Variants in BRPF3 observed in about 807,000 individuals in gnomAD.
BRPF3 encodes bromodomain and PHD finger containing 3.
BRPF3 carries 18 observed loss-of-function variants against 102.0 expected under a neutral mutation model. That is an observed-to-expected ratio of 0.18 (90% confidence interval 0.12 to 0.26). The LOEUF is 0.26. Ranked by LOEUF, BRPF3 falls within the 10% of genes least tolerant of loss-of-function variation. BRPF3 has a pLI of 1.00. For missense variants in BRPF3, 1,147 were observed against 1,567.8 expected (o/e 0.73, Z 4.53); for synonymous variants, 570 against 614.2 (o/e 0.93, Z 1.06).
At position 36,200,375 on chromosome 6, in the gene BRPF3, C is replaced by T. The variant is rs761948959; in HGVS notation, c.53C>T (p.Pro18Leu). ...CAGAATGCCGAGGGCCGGCGTTCCCCGTCCCCCTACAGTCTCAAGTGCTCA... is the reference window on the plus strand; with the variant it reads ...CAGAATGCCGAGGGCCGGCGTTCCCTGTCCCCCTACAGTCTCAAGTGCTCA... ...SRQNAEGRRSPSPYSLKCSPT... is the reference protein window; with the variant it reads ...SRQNAEGRRSLSPYSLKCSPT... The change falls in exon 2 of 13, where the codon CCG becomes CTG. Residue 18 changes from proline to leucine, a missense_variant. Around this residue, in one of 11 missense-constraint regions of BRPF3, gnomAD observed 38 missense variants for 34.3 expected, o/e 1.11. Transcript: ENST00000357641. This position sits in a 1 kb window ranked among gnomAD's most constrained non-coding sequence, Gnocchi z 5.3. The T allele has an allele frequency of 7.4e-6, 12 of 1,614,066 alleles. No individual in the cohort carries two copies. The highest frequency in any genetic ancestry group is 3.3e-5 in the South Asian group (3 of 91,088).
At chr6:36,219,386 T>G (rs1236978330) in intron 9 of BRPF3, among the ~76,000 whole-genome samples, 5 of 152,228 alleles carry the variant, frequency 3.3e-5, no homozygotes, top group Non-Finnish European at 7.3e-5. Context: ...GCTTCTAGCC[T>G]GGCCCTGGGT....
intron 8 of BRPF3, among the ~76,000 whole-genome samples, chr6:36,216,938 G>A (rs915542812): frequency 6.6e-6 from 1 of 152,186 alleles, no homozygotes; most frequent in Admixed American, 6.5e-5. Flanking sequence ...TACTCAGGAG[G>A]TTGAGGCAGG....
chr6:36,223,439 A>T (rs953089383), intron 10 of BRPF3, among the ~76,000 whole-genome samples: 7 of 152,152 alleles, frequency 4.6e-5, no homozygotes, highest in African/African-American at 1.7e-4. Flanking sequence ...TCTTATTCTT[A>T]CTTTTAAAAC....
intron 10 of BRPF3, among the ~76,000 whole-genome samples, chr6:36,223,281 G>A (rs1046415910): frequency 2.0e-5 from 3 of 152,190 alleles, no homozygotes; most frequent in Non-Finnish European, 4.4e-5. Flanking sequence ...TTTCTCGTAT[G>A]TGTGTTGATG....
rs1240266200 is a variant in BRPF3 at position 36,232,070 on chromosome 6, A to G, written c.*1461A>G. ...ACACACTTGACTTTTTAAAAATACA[A>G]CCAACCAACCACCACAACTTCTTAT... On this transcript the variant is annotated 3_prime_UTR_variant, in exon 13 of 13. Coordinates refer to ENST00000357641, the MANE Select transcript of BRPF3 (RefSeq NM_015695.3). 1 of 152,686 alleles carries G rather than the reference A, an allele frequency of 6.5e-6. No individual in the cohort carries two copies. The highest frequency in any genetic ancestry group is 2.4e-5 in the African/African-American group (1 of 41,474). 9.5% of individuals were successfully genotyped at this position (152,686 alleles called of 1,614,324 possible).
intron 9 of BRPF3, among the ~76,000 whole-genome samples, chr6:36,219,696 G>A (rs905975456): frequency 6.6e-6 from 1 of 152,132 alleles, no homozygotes; most frequent in African/African-American, 2.4e-5. Flanking sequence ...ATATTTCAGG[G>A]TTTAAAATAG....
intron 7 of BRPF3, among the ~76,000 whole-genome samples, chr6:36,213,286 C>G (rs1455529170): frequency 6.6e-6 from 1 of 152,184 alleles, no homozygotes; most frequent in Non-Finnish European, 1.5e-5. Context: ...CCTATCTTTA[C>G]AAATTTGGTT....
In BRPF3 at chr6:36,196,749, G is replaced by GGCAGCGGCA. The variant is rs1485691177; in HGVS notation, c.-239_-231dup. The GGCAGCGGCA allele has an allele frequency of 4.6e-5, 7 of 153,156 alleles. No homozygotes were observed. Among genetic ancestry groups the GGCAGCGGCA allele is most frequent in the African/African-American group, 9.7e-5 (4 of 41,300 alleles). 9.5% of individuals were successfully genotyped at this position (153,156 alleles called of 1,614,324 possible). A position where few individuals can be genotyped will look rare whatever the true frequency, so the allele number is the denominator to read the frequency against. On this transcript the variant is annotated 5_prime_UTR_variant, in exon 1 of 13. Transcript: ENST00000357641. ...CCTCCCCTCGGCCGGGCTCCGTGGC[G>GGCAGCGGCA]GCAGCGGCAGCAGCGGCGGCTCCAT...
At chr6:36,222,055 G>A (rs1232824465) in intron 9 of BRPF3, 113 bp from the exon 10 acceptor site, 3 of 1,022,618 alleles carry the variant, frequency 2.9e-6, no homozygotes, top group Non-Finnish European at 4.4e-6. Flanking sequence ...TGTCCTCCCT[G>A]AAGAGTTTTT....
intron 4 of BRPF3, among the ~76,000 whole-genome samples, chr6:36,208,493 A>G (rs1767983984): frequency 6.6e-6 from 1 of 152,136 alleles, no homozygotes; most frequent in Non-Finnish European, 1.5e-5. Flanking sequence ...AAAAAAAAAG[A>G]TGTTTCTTTC....
Position 36,231,845 on chromosome 6 carries a change from A to G in BRPF3, c.*1236A>G, listed in dbSNP as rs1768950042. The stretch of plus-strand genomic sequence containing the variant: ...CTGTGAATGGGGAATGCTGACTGAC[A>G]AACCAACACAACTTTCAGAGGCTTC... On this transcript the variant is annotated 3_prime_UTR_variant, in exon 13 of 13. Coordinates refer to ENST00000357641, the MANE Select transcript of BRPF3 (RefSeq NM_015695.3). 1 of 152,666 alleles carries G rather than the reference A, an allele frequency of 6.6e-6. No homozygotes were observed. Among genetic ancestry groups the G allele is most frequent in the Non-Finnish European group, 1.5e-5 (1 of 68,054 alleles). 9.5% of individuals were successfully genotyped at this position (152,666 alleles called of 1,614,324 possible). A position where few individuals can be genotyped will look rare whatever the true frequency, so the allele number is the denominator to read the frequency against.
In BRPF3 at chr6:36,201,769, A is replaced by AG; in HGVS notation, c.1448+1dup. 6.3e-7 allele frequency: 1 copy of AG among 1,594,786 alleles called. No individual in the cohort carries two copies. The highest frequency in any genetic ancestry group is 8.5e-7 in the Non-Finnish European group (1 of 1,170,042). On this transcript the variant is annotated frameshift_variant and splice_region_variant, in exon 2 of 13. Transcript: ENST00000357641. LOFTEE classifies it high-confidence loss of function. The surrounding 1 kb of genome is among the most constrained non-coding windows in gnomAD (Gnocchi z 5.1). Reference sequence around the variant, plus strand: ...TGCTGTCCCACAGATACCCTCTTACAGGTAAGCATGCCCAGAAGGGCTCCT... The same window carrying AG: ...TGCTGTCCCACAGATACCCTCTTACAGGGTAAGCATGCCCAGAAGGGCTCCT...
At chr6:36,218,338 C>A (rs1768406258) in intron 9 of BRPF3, among the ~76,000 whole-genome samples, 1 of 152,178 alleles carries the variant, frequency 6.6e-6, no homozygotes, top group African/African-American at 2.4e-5. Context: ...TGCCCCTACA[C>A]ACATTTAGAC....
Position 36,230,327 on chromosome 6 carries a change from C to G in BRPF3, c.3435-99C>G. The G allele has an allele frequency of 7.9e-7, 1 of 1,259,886 alleles. No homozygotes were observed. Among genetic ancestry groups the G allele is most frequent in the Non-Finnish European group, 1.1e-6 (1 of 884,426 alleles). The allele number at this position is 1,259,886 out of a possible 1,614,324, so 78.0% of individuals were successfully genotyped here. A position where few individuals can be genotyped will look rare whatever the true frequency, so the allele number is the denominator to read the frequency against. ...TTTGCTTCCCTCTGCCCTGTACCCT[C>G]TCCCTGGCTTTGCTGGTCCTGGCCA... On this transcript the variant is annotated intron_variant, in intron 12 of 12. Transcript: ENST00000357641. This position sits in a 1 kb window ranked among gnomAD's most constrained non-coding sequence, Gnocchi z 5.4.
At chr6:36,219,177 C>T (rs552547083) in intron 9 of BRPF3, among the ~76,000 whole-genome samples, 9 of 152,190 alleles carry the variant, frequency 5.9e-5, no homozygotes, top group Non-Finnish European at 1.2e-4. Flanking sequence ...TGTAGGACTA[C>T]TGGTAGGGCT....
chr6:36,218,075 C>A (rs1768396149), intron 9 of BRPF3, 65 bp downstream of exon 9: 1 of 1,408,740 alleles, frequency 7.1e-7, no homozygotes, highest in Non-Finnish European at 9.9e-7. Flanking sequence ...CTCCATTCAG[C>A]TACAGATTGA....
At chr6:36,221,663 A>G (rs79993573) in intron 9 of BRPF3, among the ~76,000 whole-genome samples, 2,640 of 151,606 alleles carry the variant, frequency 0.017, 81 homozygotes, top group African/African-American at 0.058. Context: ...TGAGAAGTGC[A>G]TTTTTTTTTC....
chr6:36,226,728 A>G lies in BRPF3; in HGVS notation c.3279+1364A>G, dbSNP rs530842995. 1.7e-3 allele frequency among the ~76,000 whole-genome samples: 256 copies of G among 152,384 alleles called. 1 individual carries two copies. The highest frequency in any genetic ancestry group is 3.7e-3 in the Admixed American group (56 of 15,312). ...CTGTTTGGTCAGATAAGGAAATTAT[A>G]GCTCAAAGAGGTTGTATTAATACAG... On this transcript the variant is annotated intron_variant, in intron 11 of 12. Coordinates refer to ENST00000357641, the MANE Select transcript of BRPF3 (RefSeq NM_015695.3).
At position 36,200,416 on chromosome 6, in the gene BRPF3, C is replaced by T. The variant is rs1272420836; in HGVS notation, c.94C>T (p.Leu32=). 1 of 1,614,286 alleles carries T rather than the reference C, an allele frequency of 6.2e-7. No individual in the cohort carries two copies. The highest frequency in any genetic ancestry group is 8.5e-7 in the Non-Finnish European group (1 of 1,180,060). ...SLKCSPTRET[L]TYAQAQRIVE... is the part of the protein sequence containing the mutation. ...CAAGTGCTCACCCACCCGGGAGACC[C>T]TGACATATGCCCAGGCCCAGCGGAT... Residue 32 remains leucine, a synonymous_variant, in exon 2 of 13, where the codon CTG becomes TTG. Coordinates refer to ENST00000357641, the MANE Select transcript of BRPF3 (RefSeq NM_015695.3). This position sits in a 1 kb window ranked among gnomAD's most constrained non-coding sequence, Gnocchi z 5.3.
Sources: allele counts gnomAD v4.1 joint callset (sites outside exome capture counted in the v4.1 genomes callset), GRCh38; gene constraint gnomAD v4.1.1; regional missense constraint gnomAD v4.1.1; non-coding constraint Gnocchi (gnomAD v3.1); transcripts MANE v1.5; gene names NCBI Gene and HGNC (gene_info 2026-07-23, HGNC 2026-07-21).